DCLK2: variants seen among roughly 807,000 people sequenced by gnomAD.
The protein encoded by DCLK2 is doublecortin like kinase 2, also known as serine/threonine-protein kinase DCLK2.
DCLK2 carries 31 observed loss-of-function variants against 78.4 expected under a neutral mutation model. That is an observed-to-expected ratio of 0.40 (90% CI 0.30 to 0.53). DCLK2 has a LOEUF of 0.53. Among genes scored for constraint, DCLK2 ranks in the 20% least tolerant of loss-of-function variants. The probability of loss-of-function intolerance (pLI) is 0.61; values close to 1 mark genes in which losing one functional copy is unlikely to be tolerated. For missense variants in DCLK2, 872 were observed against 973.7 expected, an observed-to-expected ratio of 0.90 and a Z score of 1.39; for synonymous variants, 407 against 374.9, an observed-to-expected ratio of 1.09 and a Z score of -0.99.
At chr4:150,222,541 C>G (rs569914807) in intron 7 of DCLK2, among the ~76,000 whole-genome samples, 1 of 152,036 alleles carries the variant, frequency 6.6e-6, no homozygotes, top group Non-Finnish European at 1.5e-5. Context: ...AGCTCTGACT[C>G]TGTTTAAGAT....
chr4:150,088,401 T>G (rs985693039), intron 1 of DCLK2, among the ~76,000 whole-genome samples: 1 of 151,998 alleles, frequency 6.6e-6, no homozygotes, highest in Non-Finnish European at 1.5e-5. Flanking sequence ...TCAGCTTTTT[T>G]TTTTTCGTAT....
chr4:150,116,048 C>T (rs1732062446), intron 2 of DCLK2, among the ~76,000 whole-genome samples: 1 of 152,188 alleles, frequency 6.6e-6, no homozygotes, highest in Admixed American at 6.5e-5. Flanking sequence ...ACATTCCTGA[C>T]CCAGTGTTCA....
At chr4:150,093,871 C>CAATGTA in intron 1 of DCLK2, among the ~76,000 whole-genome samples, 1 of 152,064 alleles carries the variant, frequency 6.6e-6, no homozygotes, top group Non-Finnish European at 1.5e-5. Context: ...ACACATGGAA[C>CAATGTA]AATGTAACAG....
intron 7 of DCLK2, among the ~76,000 whole-genome samples, chr4:150,223,891 A>G (rs1389884075): frequency 2.6e-5 from 4 of 152,184 alleles, no homozygotes; most frequent in Non-Finnish European, 5.9e-5. Context: ...GCTGAGAAAT[A>G]ATGAAAGTCA....
intron 1 of DCLK2, among the ~76,000 whole-genome samples, chr4:150,099,684 A>G (rs996930555): frequency 6.6e-6 from 1 of 152,164 alleles, no homozygotes; most frequent in Non-Finnish European, 1.5e-5. Context: ...AGCACCTAAC[A>G]TGAGAGCTTG....
At chr4:150,219,013 G>A (rs1740960991) in intron 5 of DCLK2, among the ~76,000 whole-genome samples, 1 of 152,134 alleles carries the variant, frequency 6.6e-6, no homozygotes, top group Non-Finnish European at 1.5e-5. Flanking sequence ...AGACCAGCCT[G>A]GGAAACACAG....
At chr4:150,178,309 G>A (rs958496107) in intron 2 of DCLK2, among the ~76,000 whole-genome samples, 9 of 152,148 alleles carry the variant, frequency 5.9e-5, no homozygotes, top group Non-Finnish European at 8.8e-5. Context: ...AGCATAAAAA[G>A]TTTTGGCTGT....
intron 2 of DCLK2, among the ~76,000 whole-genome samples, chr4:150,182,288 C>A (rs2150283711): frequency 6.6e-6 from 1 of 152,152 alleles, no homozygotes; most frequent in Non-Finnish European, 1.5e-5. Flanking sequence ...CTCAAGCGAT[C>A]CTCTCACCTC....
At chr4:150,222,859 G>A (rs1300837730) in intron 7 of DCLK2, among the ~76,000 whole-genome samples, 1 of 148,582 alleles carries the variant, frequency 6.7e-6, no homozygotes, top group Non-Finnish European at 1.5e-5. Context: ...GACCAAGACT[G>A]TGTCTCAAAA....
rs981064717 is a variant in DCLK2, at chr4:150,094,273, A to G, written c.422-8205A>G. On this transcript the variant is annotated intron_variant, in intron 1 of 15. Transcript: ENST00000296550. ...TCAACAGAGTGAAAAGGCAACCTAC[A>G]GAATGAGAGAAAATGTTTGCAGATA... Among the ~76,000 whole-genome samples, 9 of 152,346 alleles carry G rather than the reference A, an allele frequency of 5.9e-5. No individual in the cohort carries two copies. In the South Asian group the frequency reaches 1.2e-3, roughly 21 times the overall value.
chr4:150,178,122 C>T (rs1408360615), intron 2 of DCLK2, among the ~76,000 whole-genome samples: 1 of 152,184 alleles, frequency 6.6e-6, no homozygotes, highest in Non-Finnish European at 1.5e-5. Context: ...CATTGTGAAG[C>T]TCCACGTAAA....
chr4:150,158,507 A>G (rs1314159131), intron 2 of DCLK2, among the ~76,000 whole-genome samples: 3 of 152,156 alleles, frequency 2.0e-5, no homozygotes, highest in African/African-American at 7.2e-5. Context: ...GTTACTCTCT[A>G]TTTTGCTTAC....
At chr4:150,147,849 G>C in intron 2 of DCLK2, among the ~76,000 whole-genome samples, 1 of 152,138 alleles carries the variant, frequency 6.6e-6, no homozygotes, top group Non-Finnish European at 1.5e-5. Flanking sequence ...GTAATAAACA[G>C]ATTAATTGAA....
At chr4:150,137,758 A>G (rs1479913496) in intron 2 of DCLK2, among the ~76,000 whole-genome samples, 2 of 152,204 alleles carry the variant, frequency 1.3e-5, no homozygotes, top group Non-Finnish European at 2.9e-5. Context: ...CATTTATAAC[A>G]TATTCTTCCC....
chr4:150,173,854 A>G (rs1447862708), intron 2 of DCLK2, among the ~76,000 whole-genome samples: 2 of 152,176 alleles, frequency 1.3e-5, no homozygotes, highest in Non-Finnish European at 2.9e-5. Context: ...GCTTTATTAC[A>G]TGAACAGCTC....
At chr4:150,159,054 T>C (rs1401796079) in intron 2 of DCLK2, among the ~76,000 whole-genome samples, 1 of 152,132 alleles carries the variant, frequency 6.6e-6, no homozygotes, top group Non-Finnish European at 1.5e-5. Flanking sequence ...ACGATTTTGC[T>C]GAGGGATTTG....
chr4:150,102,006 G>T (rs1730928107), intron 1 of DCLK2, among the ~76,000 whole-genome samples: 2 of 152,126 alleles, frequency 1.3e-5, no homozygotes, highest in Non-Finnish European at 2.9e-5. Flanking sequence ...ATTATTCTTT[G>T]ATTAGGGCTG....
At position 150,221,767 on chromosome 4, in the gene DCLK2, T is replaced by G; in HGVS notation, c.1223T>G (p.Val408Gly). The change falls in exon 7 of 16, where the codon GTC becomes GGC. Residue 408 changes from valine (V) to glycine (G), a missense_variant. Around this residue, in one of 3 missense-constraint regions of DCLK2, gnomAD observed 567 missense variants for 593.4 expected, o/e 0.96. Coordinates refer to ENST00000296550, the MANE Select transcript of DCLK2 (RefSeq NM_001040260.4). ...ATTGGTGATGGCAATTTTGCAGTAG[T>G]CAAAGAGTGTATAGACAGGTGAGTG... ...KVIGDGNFAVVKECIDRSTGK... is the reference protein window; with the variant it reads ...KVIGDGNFAVGKECIDRSTGK... The G allele has an allele frequency of 6.2e-7, 1 of 1,601,314 alleles. No individual in the cohort carries two copies. Among genetic ancestry groups the G allele is most frequent in the Non-Finnish European group, 8.5e-7 (1 of 1,173,322 alleles).
intron 2 of DCLK2, among the ~76,000 whole-genome samples, chr4:150,175,118 T>TTTGTATATATTTGTATATATTTATATA (rs1560835254): frequency 1.8e-5 from 1 of 56,116 alleles, no homozygotes; most frequent in East Asian, 4.9e-4. Flanking sequence ...ATATTTATAT[T>TTTGTATATATTTGTATATATTTATATA]TTTTATATAT....
Sources: allele counts gnomAD v4.1 joint callset (sites outside exome capture counted in the v4.1 genomes callset), GRCh38; gene constraint gnomAD v4.1.1; regional missense constraint gnomAD v4.1.1; transcripts MANE v1.5; gene names NCBI Gene and HGNC (gene_info 2026-07-23, HGNC 2026-07-21).